PTPRD: variants seen among roughly 807,000 people sequenced by gnomAD.
PTPRD encodes receptor-type tyrosine-protein phosphatase delta.
PTPRD carries 34 observed loss-of-function variants against 214.5 expected under a neutral mutation model. The ratio of observed to expected loss-of-function variants is 0.16; its 90% CI spans 0.12 to 0.21. The LOEUF (loss-of-function observed/expected upper bound fraction) is 0.21. PTPRD is among the 10% of genes least tolerant of loss of function. PTPRD has a pLI of 1.00. For synonymous variants in PTPRD, 1,128 were observed against 845.7 expected (o/e 1.33, Z -5.79); for missense variants, 2,545 against 2,398.7 (o/e 1.06, Z -1.27).
At chr9:9,498,610 G>A (rs1006965561) in intron 8 of PTPRD, among the ~76,000 whole-genome samples, 55 of 152,130 alleles carry the variant, frequency 3.6e-4, no homozygotes, top group African/African-American at 1.3e-3. Flanking sequence ...ATTTTATACA[G>A]TGTAAGGAGA....
At chr9:9,059,018 A>C (rs2099702262) in intron 10 of PTPRD, among the ~76,000 whole-genome samples, 1 of 152,152 alleles carries the variant, frequency 6.6e-6, no homozygotes, top group South Asian at 2.1e-4. Context: ...CCAGTAGAAC[A>C]GGGTAGGTCT....
intron 3 of PTPRD, among the ~76,000 whole-genome samples, chr9:10,240,398 G>A (rs560658886): frequency 6.6e-6 from 1 of 151,858 alleles, no homozygotes; most frequent in Non-Finnish European, 1.5e-5. Flanking sequence ...TAGAGAAACA[G>A]AAGGTCCAGG....
chr9:9,749,970 G>A (rs2098500368), intron 6 of PTPRD, among the ~76,000 whole-genome samples: 1 of 152,178 alleles, frequency 6.6e-6, no homozygotes, highest in Non-Finnish European at 1.5e-5. Context: ...TGACTGATGT[G>A]TGTGGAACTA....
chr9:9,111,389 T>C (rs373261182), intron 10 of PTPRD, among the ~76,000 whole-genome samples: 11 of 152,042 alleles, frequency 7.2e-5, no homozygotes, highest in African/African-American at 2.7e-4. Context: ...CGGAATCTTC[T>C]GATCGCCGCC....
intron 10 of PTPRD, among the ~76,000 whole-genome samples, chr9:9,130,408 C>T (rs2099840779): frequency 1.3e-5 from 2 of 152,108 alleles, no homozygotes; most frequent in South Asian, 4.1e-4. Flanking sequence ...TCCTTCTTAA[C>T]AATTTTAGAC....
chr9:10,150,137 T>C (rs1174927590), intron 3 of PTPRD, among the ~76,000 whole-genome samples: 1 of 152,134 alleles, frequency 6.6e-6, no homozygotes, highest in Non-Finnish European at 1.5e-5. Context: ...ATTTCAGAAA[T>C]TCCGAATATT....
chr9:9,769,242 C>T (rs185808341), intron 5 of PTPRD, among the ~76,000 whole-genome samples: 6 of 150,758 alleles, frequency 4.0e-5, no homozygotes, highest in African/African-American at 1.5e-4. Flanking sequence ...TAACCAGAAG[C>T]CCTTTTATAC....
intron 6 of PTPRD, among the ~76,000 whole-genome samples, chr9:9,739,039 T>C (rs1564885240): frequency 1.3e-5 from 2 of 152,190 alleles, no homozygotes; most frequent in Non-Finnish European, 2.9e-5. Flanking sequence ...ATATTAAAAT[T>C]AATAATCTGG....
At chr9:9,307,541 A>G (rs962435938) in intron 9 of PTPRD, among the ~76,000 whole-genome samples, 78 of 152,206 alleles carry the variant, frequency 5.1e-4, no homozygotes, top group African/African-American at 1.9e-3. Context: ...CTGTGCTGTT[A>G]TATCACTAAT....
chr9:10,493,155 T>C (rs564036321), intron 2 of PTPRD, among the ~76,000 whole-genome samples: 11 of 152,174 alleles, frequency 7.2e-5, no homozygotes, highest in African/African-American at 2.2e-4. Flanking sequence ...ATCAATATCG[T>C]GAAAATGGGC....
chr9:8,598,793 A>T (rs2094621655), intron 14 of PTPRD, among the ~76,000 whole-genome samples: 1 of 152,206 alleles, frequency 6.6e-6, no homozygotes, highest in African/African-American at 2.4e-5. Flanking sequence ...CTGTCTTCCA[A>T]CGAGTTAAAA....
At chr9:9,040,155 G>T (rs1400730777) in intron 10 of PTPRD, among the ~76,000 whole-genome samples, 1 of 152,166 alleles carries the variant, frequency 6.6e-6, no homozygotes, top group Non-Finnish European at 1.5e-5. Context: ...AGGGGAAAGG[G>T]CTATGAAACT....
intron 12 of PTPRD, chr9:8,713,165 A>G (rs753337133): frequency 1.4e-4 from 81 of 561,040 alleles, no homozygotes; most frequent in Non-Finnish European, 2.4e-4. Flanking sequence ...CTTCTCCTGC[A>G]TAACTGTCAG....
At chr9:8,866,170 G>C (rs1250593172) in intron 11 of PTPRD, among the ~76,000 whole-genome samples, 1 of 152,130 alleles carries the variant, frequency 6.6e-6, no homozygotes, top group Non-Finnish European at 1.5e-5. Context: ...CACTGAACAA[G>C]TCTTGGAGAG....
intron 5 of PTPRD, among the ~76,000 whole-genome samples, chr9:9,783,717 A>G (rs1352323095): frequency 6.6e-6 from 1 of 151,226 alleles, no homozygotes; most frequent in South Asian, 2.1e-4. Context: ...CCCAAGCCTT[A>G]TTTTAATATA....
chr9:8,715,811 T>C (rs1405074735), intron 12 of PTPRD, among the ~76,000 whole-genome samples: 7 of 152,232 alleles, frequency 4.6e-5, no homozygotes, highest in Admixed American at 2.0e-4. Flanking sequence ...TAGAGACAAT[T>C]ACAACAAAAT....
At chr9:9,710,837 C>A (rs1045494651) in intron 7 of PTPRD, among the ~76,000 whole-genome samples, 1 of 152,040 alleles carries the variant, frequency 6.6e-6, no homozygotes, top group Non-Finnish European at 1.5e-5. Flanking sequence ...TCATTCAATA[C>A]CGTTTGCTAA....
At chr9:9,498,437 TA>T in intron 8 of PTPRD, among the ~76,000 whole-genome samples, 1 of 152,162 alleles carries the variant, frequency 6.6e-6, no homozygotes, top group Non-Finnish European at 1.5e-5. Context: ...GGGTTTCATT[TA>T]GATTTGATAA....
chr9:9,976,783 C>T (rs1036042708), intron 4 of PTPRD, among the ~76,000 whole-genome samples: 3 of 145,880 alleles, frequency 2.1e-5, no homozygotes, highest in African/African-American at 7.6e-5. Context: ...TGTTCTTATT[C>T]TCTAGCTAGC....
Sources: allele counts gnomAD v4.1 joint callset (sites outside exome capture counted in the v4.1 genomes callset), GRCh38; gene constraint gnomAD v4.1.1; transcripts MANE v1.5; gene names NCBI Gene and HGNC (gene_info 2026-07-23, HGNC 2026-07-21).